C8orf34: variants seen among roughly 807,000 people sequenced by gnomAD.
C8orf34 encodes chromosome 8 open reading frame 34, also known as uncharacterized protein C8orf34.
Under a neutral mutation model 68.3 loss-of-function variants are expected in C8orf34, and 65 were observed. The observed-to-expected ratio is 0.95, with a 90% CI of 0.78 to 1.17. The LOEUF is 1.17. C8orf34 is among the 50% of genes most tolerant of loss of function. The probability of loss-of-function intolerance (pLI) is 0.00; values close to 1 mark genes in which losing one functional copy is unlikely to be tolerated. For synonymous variants in C8orf34, 244 were observed against 241.2 expected (o/e 1.01, Z -0.11); for missense variants, 664 against 655.4 (o/e 1.01, Z -0.14).
intron 8 of C8orf34, among the ~76,000 whole-genome samples, chr8:68,653,470 T>C (rs569872772): frequency 2.0e-5 from 3 of 152,310 alleles, no homozygotes; most frequent in African/African-American, 7.2e-5. Flanking sequence ...TTAGCTACTG[T>C]CTTAATCTGT....
intron 8 of C8orf34, among the ~76,000 whole-genome samples, chr8:68,673,525 G>A (rs568587130): frequency 2.0e-4 from 30 of 152,230 alleles, no homozygotes; most frequent in African/African-American, 7.0e-4. Context: ...CTGGAGCAAT[G>A]GTGGCCACAG....
intron 4 of C8orf34, among the ~76,000 whole-genome samples, chr8:68,485,754 A>AATAAATAAATAT (rs1393450390): frequency 3.3e-5 from 5 of 149,984 alleles, no homozygotes; most frequent in African/African-American, 9.7e-5. Flanking sequence ...TAAATAAATA[A>AATAAATAAATAT]AAATAAATCA....
intron 1 of C8orf34, among the ~76,000 whole-genome samples, chr8:68,350,350 A>G (rs765463179): frequency 2.0e-5 from 3 of 151,834 alleles, no homozygotes; most frequent in Non-Finnish European, 2.9e-5. Flanking sequence ...TTTATGTTCA[A>G]TTATGTAGCT....
At chr8:68,809,506 A>ATAG (rs1563681843) in intron 12 of C8orf34, among the ~76,000 whole-genome samples, 2 of 151,746 alleles carry the variant, frequency 1.3e-5, no homozygotes, top group African/African-American at 4.8e-5. Context: ...GGAGCCAGCC[A>ATAG]TGGTGCATGC....
intron 5 of C8orf34, among the ~76,000 whole-genome samples, chr8:68,491,633 T>G (rs1431469346): frequency 6.6e-6 from 1 of 152,242 alleles, no homozygotes; most frequent in Non-Finnish European, 1.5e-5. Flanking sequence ...ACCTGGCTAA[T>G]GCAGATAATC....
chr8:68,745,839 C>A (rs201532837), intron 10 of C8orf34, among the ~76,000 whole-genome samples: 4 of 152,078 alleles, frequency 2.6e-5, no homozygotes, highest in African/African-American at 9.7e-5. Context: ...GACAGAAAGT[C>A]AACAAGGATA....
chr8:68,611,956 G>A (rs774875095), intron 7 of C8orf34, among the ~76,000 whole-genome samples: 1 of 152,060 alleles, frequency 6.6e-6, no homozygotes, highest in Non-Finnish European at 1.5e-5. Context: ...ATGTGGCTTT[G>A]TTTTCAAATA....
At chr8:68,641,447 G>A (rs1382997761) in intron 8 of C8orf34, among the ~76,000 whole-genome samples, 6 of 152,202 alleles carry the variant, frequency 3.9e-5, no homozygotes, top group Non-Finnish European at 8.8e-5. Flanking sequence ...AAATGGCATG[G>A]CATAGCATAG....
At chr8:68,691,124 A>G (rs1184716778) in intron 8 of C8orf34, among the ~76,000 whole-genome samples, 1 of 152,018 alleles carries the variant, frequency 6.6e-6, no homozygotes, top group Non-Finnish European at 1.5e-5. Flanking sequence ...ACATTCTGCT[A>G]CCCTTCTCAA....
intron 12 of C8orf34, chr8:68,792,642 G>T (rs1824043258): frequency 8.4e-6 from 1 of 118,606 alleles, no homozygotes; most frequent in Admixed American, 8.6e-5. Context: ...CATACTGAAA[G>T]AATTCTAAAG....
At chr8:68,637,357 A>G (rs1050422746) in intron 7 of C8orf34, among the ~76,000 whole-genome samples, 5 of 152,104 alleles carry the variant, frequency 3.3e-5, no homozygotes, top group Admixed American at 1.3e-4. Context: ...TATTAAAGGG[A>G]GGCCTCATTT....
chr8:68,392,452 C>G (rs1201525481), intron 1 of C8orf34, among the ~76,000 whole-genome samples: 1 of 151,774 alleles, frequency 6.6e-6, no homozygotes, highest in African/African-American at 2.4e-5. Flanking sequence ...ATATGTTACC[C>G]TTGAGTTGCA....
chr8:68,488,029 C>A lies in C8orf34; in HGVS notation c.743C>A (p.Ala248Glu). 1 of 1,590,704 alleles carries A rather than the reference C, an allele frequency of 6.3e-7. No homozygotes were observed. Among genetic ancestry groups the A allele is most frequent in the Non-Finnish European group, 8.6e-7 (1 of 1,168,104 alleles). The change falls in exon 5 of 14, where the codon GCA (alanine) becomes GAA (glutamate). Residue 248 changes from alanine to glutamate, a missense_variant. Coordinates refer to ENST00000518698, the MANE Select transcript of C8orf34 (RefSeq NM_052958.4). The stretch of plus-strand genomic sequence containing the variant: ...AATCTCTTTTAAATCCCAGGTATTG[C>A]AATTTCAGATGAACTCGATAAGGTA... ...KALENLSRSIAISDELDKETV... is the reference protein window; with the variant it reads ...KALENLSRSIEISDELDKETV...
chr8:68,519,252 C>T (rs1586305288), intron 5 of C8orf34, among the ~76,000 whole-genome samples: 1 of 152,202 alleles, frequency 6.6e-6, no homozygotes, highest in African/African-American at 2.4e-5. Context: ...TGGGCACTTA[C>T]ATCATGCAAC....
intron 5 of C8orf34, among the ~76,000 whole-genome samples, chr8:68,495,274 A>AATAG (rs960499148): frequency 6.7e-6 from 1 of 148,832 alleles, no homozygotes; most frequent in South Asian, 2.1e-4. Context: ...ATGTAACAAT[A>AATAG]ATATATATAT....
rs1046958304 is a variant in C8orf34 at position 68,341,369 on chromosome 8, G to A, written c.327+10030G>A. Reference sequence around the variant, plus strand: ...ATCCATTGGCAGAAAACCAAAGCTCGACCTCAGTCTTACACCTTGTACAAA... The same window carrying A: ...ATCCATTGGCAGAAAACCAAAGCTCAACCTCAGTCTTACACCTTGTACAAA... On this transcript the variant is annotated intron_variant, in intron 1 of 13. Coordinates refer to ENST00000518698, the MANE Select transcript of C8orf34 (RefSeq NM_052958.4). 2.0e-5 allele frequency among the ~76,000 whole-genome samples: 3 copies of A among 152,142 alleles called. No homozygotes were observed. The South Asian group carries it at 6.2e-4, about 31-fold the overall frequency.
chr8:68,479,611 G>T (rs1305445496), intron 4 of C8orf34, among the ~76,000 whole-genome samples: 1 of 152,128 alleles, frequency 6.6e-6, no homozygotes, highest in Non-Finnish European at 1.5e-5. Flanking sequence ...GGATATAAGT[G>T]CACTTTGTCC....
chr8:68,336,470 T>G (rs1219081478), intron 1 of C8orf34, among the ~76,000 whole-genome samples: 1 of 152,128 alleles, frequency 6.6e-6, no homozygotes, highest in Non-Finnish European at 1.5e-5. Context: ...GTCACAGAGA[T>G]AGTATAGGGA....
chr8:68,589,645 AGAG>A (rs749546998), intron 7 of C8orf34, among the ~76,000 whole-genome samples: 36 of 147,004 alleles, frequency 2.4e-4, no homozygotes, highest in Admixed American at 5.4e-4. Flanking sequence ...AGAGAAGAAG[AGAG>A]GAGGAAGGAA....
Sources: allele counts gnomAD v4.1 joint callset (sites outside exome capture counted in the v4.1 genomes callset), GRCh38; gene constraint gnomAD v4.1.1; transcripts MANE v1.5; gene names NCBI Gene and HGNC (gene_info 2026-07-23, HGNC 2026-07-21).